PKHD1: variants seen among roughly 807,000 people sequenced by gnomAD.
The protein encoded by PKHD1 is fibrocystin.
Under a neutral mutation model 412.0 loss-of-function variants are expected in PKHD1, and 291 were observed. That is an observed-to-expected ratio of 0.71 (90% CI 0.64 to 0.78). The LOEUF is 0.78. Ranked by LOEUF, PKHD1 falls within the 30% of genes least tolerant of loss-of-function variation. The pLI is 0.00. For synonymous variants in PKHD1, 1,777 were observed against 1,821.5 expected, an observed-to-expected ratio of 0.98 and a Z score of 0.62; for missense variants, 4,825 against 4,950.7, an observed-to-expected ratio of 0.97 and a Z score of 0.76.
chr6:52,031,252 C>T (rs570433490), intron 29 of PKHD1, among the ~76,000 whole-genome samples: 1 of 152,268 alleles, frequency 6.6e-6, no homozygotes, highest in Admixed American at 6.5e-5. Context: ...TAAGTTTGGC[C>T]TAAGGCTGTC....
Position 52,050,264 on chromosome 6 carries a change from T to C in PKHD1, c.2172A>G (p.Pro724=). 1 of 1,613,798 alleles carries C rather than the reference T, an allele frequency of 6.2e-7. No individual in the cohort carries two copies. The change falls in exon 22 of 67, where the codon CCA becomes CCG. Residue 724 remains proline, a synonymous_variant. Coordinates refer to ENST00000371117, the MANE Select transcript of PKHD1 (RefSeq NM_138694.4). ...VSQADSGTAR[P]GGNLVESVSV... is the part of the protein sequence containing the mutation. The stretch of plus-strand genomic sequence containing the variant: ...AGACTGATTCCACCAGATTGCCCCC[T>C]GGGCGAGCCGTTCCAGAATCAGCTT...
chr6:52,022,695 A>G, intron 33 of PKHD1, 106 bp downstream of exon 33: 1 of 1,147,786 alleles, frequency 8.7e-7, no homozygotes, highest in Non-Finnish European at 1.3e-6. Flanking sequence ...GCACACATAG[A>G]GAAATTAGTA....
intron 5 of PKHD1, among the ~76,000 whole-genome samples, chr6:52,078,530 C>G (rs1387073391): frequency 6.6e-6 from 1 of 152,126 alleles, no homozygotes; most frequent in Non-Finnish European, 1.5e-5. Flanking sequence ...TCCCCAGTCC[C>G]AGTCCCAAAA....
intron 61 of PKHD1, among the ~76,000 whole-genome samples, chr6:51,657,810 T>A (rs189419853): frequency 1.3e-5 from 2 of 152,258 alleles, no homozygotes; most frequent in Admixed American, 6.5e-5. Context: ...CTGTTTCTAG[T>A]TAAAAGCACA....
At chr6:51,655,890 G>A (rs1771748891) in intron 61 of PKHD1, among the ~76,000 whole-genome samples, 1 of 152,144 alleles carries the variant, frequency 6.6e-6, no homozygotes, top group African/African-American at 2.4e-5. Context: ...ACTGTTGGTG[G>A]GAGTGTAAAT....
At chr6:51,874,304 T>C (rs1776491242) in intron 46 of PKHD1, among the ~76,000 whole-genome samples, 1 of 152,186 alleles carries the variant, frequency 6.6e-6, no homozygotes, top group Admixed American at 6.5e-5. Context: ...TGAAAGGGTA[T>C]GTTAATTAGA....
At chr6:51,839,950 T>A (rs1414173184) in intron 50 of PKHD1, among the ~76,000 whole-genome samples, 1 of 151,972 alleles carries the variant, frequency 6.6e-6, no homozygotes, top group Non-Finnish European at 1.5e-5. Context: ...GACTTCTCTT[T>A]CCGTCTCTGC....
At position 52,025,912 on chromosome 6, in the gene PKHD1, T is replaced by G; in HGVS notation, c.3898A>C (p.Thr1300Pro). The change falls in exon 32 of 67, where the codon ACA becomes CCA. Residue 1300 changes from threonine (T) to proline (P), a missense_variant. Physicochemically the swap from Thr to Pro is conservative, Grantham distance 38. Coordinates refer to ENST00000371117, the MANE Select transcript of PKHD1 (RefSeq NM_138694.4). ...CCTTGCATGGCAGTGACTACTGGTG[T>G]TGCTGCCGCTTCATACATGAAGGTG... Reference protein sequence around the residue: ...GFTFMYEAAATPVVTAMQGEI... With the variant: ...GFTFMYEAAAPPVVTAMQGEI... 5.0e-6 allele frequency: 8 copies of G among 1,614,152 alleles called. No homozygotes were observed. Among genetic ancestry groups the G allele is most frequent in the Non-Finnish European group, 6.8e-6 (8 of 1,180,032 alleles).
chr6:51,710,292 G>A (rs1165810548), intron 60 of PKHD1, among the ~76,000 whole-genome samples: 1 of 152,074 alleles, frequency 6.6e-6, no homozygotes, highest in Non-Finnish European at 1.5e-5. Context: ...CCTATTTTAT[G>A]GATATAAATA....
At chr6:51,716,826 C>G (rs1469104782) in intron 60 of PKHD1, among the ~76,000 whole-genome samples, 1 of 152,000 alleles carries the variant, frequency 6.6e-6, no homozygotes, top group South Asian at 2.1e-4. Flanking sequence ...CATCACCCCC[C>G]TCCAACCACA....
chr6:51,771,067 C>T lies in PKHD1; in HGVS notation c.8642+1635G>A, dbSNP rs571914226. Among the ~76,000 whole-genome samples the T allele has an allele frequency of 5.3e-5, 8 of 152,122 alleles. No individual in the cohort carries two copies. The South Asian group carries it at 1.5e-3, about 28-fold the overall frequency. On this transcript the variant is annotated intron_variant, in intron 55 of 66. Transcript: ENST00000371117. The stretch of plus-strand genomic sequence containing the variant: ...ACTTTACAACATACTGGCCTGCTTA[C>T]AGATTTCAAACTCTCCAGCTCCCAT...
At chr6:51,916,603 C>G (rs1393432050) in intron 37 of PKHD1, among the ~76,000 whole-genome samples, 3 of 152,118 alleles carry the variant, frequency 2.0e-5, no homozygotes, top group Non-Finnish European at 2.9e-5. Flanking sequence ...AAAAATTATA[C>G]TCATTACTTC....
chr6:52,030,134 C>A (rs1802820306), intron 29 of PKHD1, among the ~76,000 whole-genome samples: 2 of 152,112 alleles, frequency 1.3e-5, no homozygotes, highest in African/African-American at 4.8e-5. Flanking sequence ...TATGGGATGC[C>A]ACGGCCAATT....
chr6:51,961,743 C>G (rs978088412), intron 35 of PKHD1, among the ~76,000 whole-genome samples: 1 of 151,982 alleles, frequency 6.6e-6, no homozygotes, highest in Non-Finnish European at 1.5e-5. Context: ...CAGGGTGAAC[C>G]AGGTTATCTG....
intron 49 of PKHD1, among the ~76,000 whole-genome samples, chr6:51,849,134 T>C (rs576546935): frequency 2.6e-5 from 4 of 152,106 alleles, no homozygotes; most frequent in East Asian, 1.9e-4. Context: ...CTCCCACTTA[T>C]GAGTGAGAAC....
intron 48 of PKHD1, among the ~76,000 whole-genome samples, chr6:51,865,336 ATATT>A: frequency 6.6e-6 from 1 of 152,298 alleles, no homozygotes; most frequent in Admixed American, 6.5e-5. Flanking sequence ...CCAACTTCAA[ATATT>A]TAAATACTTC....
chr6:51,695,966 G>C (rs547479059), intron 60 of PKHD1, among the ~76,000 whole-genome samples: 9 of 152,104 alleles, frequency 5.9e-5, no homozygotes, highest in Non-Finnish European at 1.2e-4. Flanking sequence ...TGGTCCTTTT[G>C]CTTCTTGAAA....
intron 53 of PKHD1, among the ~76,000 whole-genome samples, chr6:51,790,948 G>A (rs967431233): frequency 6.6e-6 from 1 of 152,152 alleles, no homozygotes; most frequent in African/African-American, 2.4e-5. Flanking sequence ...CCTAAAGGAA[G>A]AATTGATCTG....
intron 36 of PKHD1, among the ~76,000 whole-genome samples, chr6:51,949,778 T>TG (rs1256607746): frequency 6.6e-6 from 1 of 152,094 alleles, no homozygotes; most frequent in Non-Finnish European, 1.5e-5. Context: ...CTTTAAGGAT[T>TG]GGGGGCAAAG....
Sources: allele counts gnomAD v4.1 joint callset (sites outside exome capture counted in the v4.1 genomes callset), GRCh38; gene constraint gnomAD v4.1.1; transcripts MANE v1.5; gene names NCBI Gene and HGNC (gene_info 2026-07-23, HGNC 2026-07-21).